The following ADGRG2 variants were observed in gnomAD, a reference collection of about 807,000 sequenced individuals.
ADGRG2 encodes adhesion G protein-coupled receptor G2, also known as G protein-coupled receptor 64.
A neutral mutation model predicts 74.1 loss-of-function variants in ADGRG2; 26 were observed. That is an observed-to-expected ratio of 0.35 (90% CI 0.26 to 0.49). The LOEUF (loss-of-function observed/expected upper bound fraction) is 0.49. ADGRG2 is among the 20% of genes least tolerant of loss of function. ADGRG2 has a pLI of 0.99. For missense variants in ADGRG2, 619 were observed against 763.1 expected, an observed-to-expected ratio of 0.81 and a Z score of 2.22; for synonymous variants, 296 against 295.2, an observed-to-expected ratio of 1.00 and a Z score of -0.03.
intron 11 of ADGRG2, among the ~76,000 whole-genome samples, chrX:19,026,657 G>A (rs909160760): frequency 2.8e-4 from 31 of 110,493 alleles, no homozygotes; most frequent in African/African-American, 9.9e-4. Flanking sequence ...CACCACGCCC[G>A]GCTAATTTTT....
rs1406745817 is a variant in ADGRG2 at position 19,010,614 on chromosome X, T to G, written c.1264A>C (p.Arg422=). The change falls in exon 17 of 29, where the codon AGA becomes CGA. Residue 422 remains arginine (R), a splice_region_variant and synonymous_variant. Transcript: ENST00000379869. The part of the protein sequence containing the change: ...PPDMLAPLAQ[R]LLKVVDDIGL... Reference sequence around the variant, plus strand: ...CCACTTCAGTTTGCGAAGTCGTACCTTTGAGCCAGAGGGGCCAGCATGTCA... The same window carrying G: ...CCACTTCAGTTTGCGAAGTCGTACCGTTGAGCCAGAGGGGCCAGCATGTCA... 8.3e-7 allele frequency: 1 copy of G among 1,205,184 alleles called. No individual in the cohort carries two copies. The highest frequency in any genetic ancestry group is 1.8e-5 in the South Asian group (1 of 55,740).
At chrX:19,019,454 A>G (rs2060539737) in intron 15 of ADGRG2, 145 bp downstream of exon 15, 1 of 434,755 alleles carries the variant, frequency 2.3e-6, no homozygotes, top group Non-Finnish European at 4.1e-6. Context: ...CAGTGGTCCA[A>G]GTGGAAACTT....
intron 2 of ADGRG2, among the ~76,000 whole-genome samples, chrX:19,070,324 A>G (rs1292889995): frequency 1.8e-5 from 2 of 112,747 alleles, no homozygotes; most frequent in African/African-American, 6.4e-5. Flanking sequence ...CATTCAACAA[A>G]TATTTATTGA....
intron 13 of ADGRG2, among the ~76,000 whole-genome samples, chrX:19,022,436 G>C (rs1389175369): frequency 3.6e-5 from 4 of 111,579 alleles, no homozygotes; most frequent in African/African-American, 1.3e-4. Flanking sequence ...AGTGGACAGG[G>C]AATACAATTT....
intron 27 of ADGRG2, 58 bp from the exon 28 acceptor site, chrX:18,995,106 G>T: frequency 1.1e-6 from 1 of 901,257 alleles, no homozygotes; most frequent in Non-Finnish European, 1.6e-6. Context: ...TCAAACGCAA[G>T]AGACAGATCA....
At chrX:19,005,524 A>ATTTGC (rs2060210288) in intron 22 of ADGRG2, among the ~76,000 whole-genome samples, 1 of 107,640 alleles carries the variant, frequency 9.3e-6, no homozygotes, top group Non-Finnish European at 1.9e-5. Flanking sequence ...CTTCAGGTGC[A>ATTTGC]TTTGCTTATT....
intron 3 of ADGRG2, among the ~76,000 whole-genome samples, chrX:19,045,519 G>A (rs1194185399): frequency 9.1e-6 from 1 of 109,291 alleles, no homozygotes; most frequent in African/African-American, 3.3e-5. Context: ...TGTTGGCCAG[G>A]CTGGTCTGGA....
At chrX:19,100,369 T>C (rs1329291508) in intron 1 of ADGRG2, among the ~76,000 whole-genome samples, 2 of 113,512 alleles carry the variant, frequency 1.8e-5, no homozygotes, top group African/African-American at 3.2e-5. Flanking sequence ...GACTGAACTC[T>C]GCTGTTGCAA....
chrX:19,107,409 G>C (rs2147060289), intron 1 of ADGRG2, among the ~76,000 whole-genome samples: 1 of 112,500 alleles, frequency 8.9e-6, no homozygotes, highest in Admixed American at 9.4e-5. Context: ...GATTAGCTGA[G>C]AGGAGACAGA....
rs190146678 is a variant in ADGRG2, at chrX:19,006,361, T to G, written c.1690-96A>C. 1,984 of 615,537 alleles carry G rather than the reference T, an allele frequency of 3.2e-3. 44 individuals are homozygous for G. In the Admixed American group the frequency reaches 0.051, roughly 16 times the overall value. The allele number at this position is 615,537 out of a possible 1,213,427, so 50.7% of individuals were successfully genotyped here. A position where few individuals can be genotyped will look rare whatever the true frequency, so the allele number is the denominator to read the frequency against. On this transcript the variant is annotated intron_variant, in intron 20 of 28. Transcript: ENST00000379869. ...TATTTGAAAAGAAAAAAAACTGTGGTTTTTTTTAAATTTCAGAATCTTAGG... is the reference window on the plus strand; with the variant it reads ...TATTTGAAAAGAAAAAAAACTGTGGGTTTTTTTAAATTTCAGAATCTTAGG...
At chrX:19,022,888 G>T in intron 13 of ADGRG2, among the ~76,000 whole-genome samples, 1 of 111,615 alleles carries the variant, frequency 9.0e-6, no homozygotes, top group Admixed American at 9.5e-5. Context: ...GTAGAGATGG[G>T]GTTTTGCCAT....
intron 2 of ADGRG2, among the ~76,000 whole-genome samples, chrX:19,070,908 A>G: frequency 8.9e-6 from 1 of 111,912 alleles, no homozygotes; most frequent in Non-Finnish European, 1.9e-5. Context: ...CGGTGAGTAA[A>G]CAAGAAATCT....
chrX:19,095,419 T>C, intron 1 of ADGRG2, among the ~76,000 whole-genome samples: 1 of 111,037 alleles, frequency 9.0e-6, no homozygotes, highest in South Asian at 3.9e-4. Context: ...AGTGTGATGT[T>C]TGTGTGTGCC....
chrX:19,115,850 G>A (rs2062503247), intron 1 of ADGRG2, among the ~76,000 whole-genome samples: 1 of 110,291 alleles, frequency 9.1e-6, no homozygotes, highest in African/African-American at 3.3e-5. Flanking sequence ...CGGCTGCAGT[G>A]AGCTATGATC....
chrX:19,096,549 C>A, intron 1 of ADGRG2, among the ~76,000 whole-genome samples: 1 of 111,627 alleles, frequency 9.0e-6, no homozygotes, highest in Non-Finnish European at 1.9e-5. Context: ...CTCAAAAGAT[C>A]TTTTAAAACT....
intron 28 of ADGRG2, among the ~76,000 whole-genome samples, chrX:18,991,514 C>A (rs1221332052): frequency 8.9e-6 from 1 of 112,248 alleles, no homozygotes; most frequent in Non-Finnish European, 1.9e-5. Flanking sequence ...AAACTTTGTA[C>A]CAGAGAAACC....
chrX:19,095,685 A>C (rs975302347), intron 1 of ADGRG2, among the ~76,000 whole-genome samples: 1 of 112,117 alleles, frequency 8.9e-6, no homozygotes, highest in Middle Eastern at 4.6e-3. Flanking sequence ...CACATAATCT[A>C]GTCTCGGGGA....
intron 2 of ADGRG2, among the ~76,000 whole-genome samples, chrX:19,080,316 G>A (rs1043933411): frequency 3.4e-4 from 38 of 111,165 alleles, no homozygotes; most frequent in Non-Finnish European, 6.4e-4. Context: ...ATTATCCAAC[G>A]CAAGGTGAAA....
intron 1 of ADGRG2, among the ~76,000 whole-genome samples, chrX:19,085,742 T>C (rs2061926383): frequency 9.0e-6 from 1 of 111,637 alleles, no homozygotes; most frequent in Non-Finnish European, 1.9e-5. Flanking sequence ...TGCTACTCCA[T>C]AGACCACAGG....
Sources: allele counts gnomAD v4.1 joint callset (sites outside exome capture counted in the v4.1 genomes callset), GRCh38; gene constraint gnomAD v4.1.1; transcripts MANE v1.5; gene names NCBI Gene and HGNC (gene_info 2026-07-23, HGNC 2026-07-21).